Variants in TLE4 observed in about 807,000 individuals in gnomAD.
TLE4 encodes transducin-like enhancer protein 4.
A neutral mutation model predicts 92.8 loss-of-function variants in TLE4; 8 were observed. That is an observed-to-expected ratio of 0.09 (90% CI 0.05 to 0.16). The LOEUF is 0.16. Ranked by LOEUF, TLE4 falls within the 10% of genes least tolerant of loss-of-function variation. TLE4 has a pLI of 1.00. For missense variants in TLE4, 675 were observed against 997.6 expected (o/e 0.68, Z 4.36); for synonymous variants, 371 against 374.1 (o/e 0.99, Z 0.10).
intron 4 of TLE4, among the ~76,000 whole-genome samples, chr9:79,611,324 G>T (rs2048324753): frequency 6.6e-6 from 1 of 152,044 alleles, no homozygotes; most frequent in Non-Finnish European, 1.5e-5. Flanking sequence ...TTGGTGCTGG[G>T]TTTTTGTCCA....
intron 8 of TLE4, among the ~76,000 whole-genome samples, chr9:79,672,243 G>GT (rs1025710778): frequency 1.5e-4 from 23 of 151,994 alleles, no homozygotes; most frequent in African/African-American, 5.3e-4. Flanking sequence ...GTCCTGGAAA[G>GT]TAAGATACAC....
chr9:79,601,641 CTTAA>C (rs1326268801), intron 4 of TLE4: 8 of 368,820 alleles, frequency 2.2e-5, no homozygotes, highest in East Asian at 1.5e-4. Context: ...AGACAGCAAA[CTTAA>C]TTAATGTGTG....
At chr9:79,599,448 G>A (rs1032274226) in intron 4 of TLE4, among the ~76,000 whole-genome samples, 5 of 152,270 alleles carry the variant, frequency 3.3e-5, no homozygotes, top group African/African-American at 1.2e-4. Flanking sequence ...GTTTGTGAAA[G>A]GTCCACTAGT....
chr9:79,679,888 G>T (rs1429281398), intron 8 of TLE4, among the ~76,000 whole-genome samples: 3 of 152,130 alleles, frequency 2.0e-5, no homozygotes, highest in East Asian at 1.9e-4. Context: ...TTTCCCCATT[G>T]CTTGTTTTTC....
chr9:79,708,895 G>A, intron 13 of TLE4, 109 bp downstream of exon 13: 2 of 1,323,042 alleles, frequency 1.5e-6, no homozygotes, highest in Non-Finnish European at 2.0e-6. Context: ...GCAGTGGCAT[G>A]ATCTTGGCTC....
intron 8 of TLE4, among the ~76,000 whole-genome samples, chr9:79,682,671 T>G (rs1304761533): frequency 6.6e-6 from 1 of 152,174 alleles, no homozygotes; most frequent in Non-Finnish European, 1.5e-5. Flanking sequence ...TGAAACTCAG[T>G]TGCCTGATGA....
chr9:79,704,678 A>T, intron 8 of TLE4, 105 bp from the exon 9 acceptor site: 2 of 1,443,972 alleles, frequency 1.4e-6, no homozygotes, highest in Non-Finnish European at 1.9e-6. Context: ...CTTTGCAAGT[A>T]TATGCTAAAG....
intron 8 of TLE4, among the ~76,000 whole-genome samples, chr9:79,701,171 A>G (rs1189543631): frequency 6.6e-6 from 1 of 152,194 alleles, no homozygotes; most frequent in Non-Finnish European, 1.5e-5. Flanking sequence ...GCCAAGTCCA[A>G]TTTGATTCCA....
chr9:79,680,806 T>C (rs575681754), intron 8 of TLE4, among the ~76,000 whole-genome samples: 2 of 152,354 alleles, frequency 1.3e-5, no homozygotes, highest in African/African-American at 4.8e-5. Flanking sequence ...ATCCCATCAA[T>C]ACCTAATTTG....
At chr9:79,666,965 A>G (rs2061497979) in intron 8 of TLE4, among the ~76,000 whole-genome samples, 1 of 152,232 alleles carries the variant, frequency 6.6e-6, no homozygotes, top group Non-Finnish European at 1.5e-5. Flanking sequence ...GATAACCTGA[A>G]AGACCAGGTT....
intron 5 of TLE4, among the ~76,000 whole-genome samples, chr9:79,625,220 CG>C (rs1251875600): frequency 6.6e-6 from 1 of 151,102 alleles, no homozygotes; most frequent in Non-Finnish European, 1.5e-5. Flanking sequence ...GGGGTTTCGC[CG>C]TTTTAGCCGG....
chr9:79,597,533 A>T (rs2044330226), intron 4 of TLE4, among the ~76,000 whole-genome samples: 1 of 152,028 alleles, frequency 6.6e-6, no homozygotes, highest in Admixed American at 6.6e-5. Flanking sequence ...TTTGCCTTGA[A>T]TGTCTCATAG....
intron 6 of TLE4, among the ~76,000 whole-genome samples, chr9:79,651,943 A>C (rs1487740576): frequency 1.3e-5 from 2 of 152,102 alleles, no homozygotes; most frequent in Non-Finnish European, 2.9e-5. Context: ...GCGAGGCCTT[A>C]TTTTATTTTT....
intron 8 of TLE4, among the ~76,000 whole-genome samples, chr9:79,664,123 C>G (rs1303537937): frequency 6.6e-6 from 1 of 152,210 alleles, no homozygotes; most frequent in East Asian, 1.9e-4. Context: ...GAGGGGTAAT[C>G]TGGAGCAGTC....
chr9:79,626,838 T>C (rs2052743338), intron 5 of TLE4, among the ~76,000 whole-genome samples: 1 of 152,190 alleles, frequency 6.6e-6, no homozygotes, highest in Non-Finnish European at 1.5e-5. Context: ...TTAATCCCTA[T>C]CTCATGATAG....
intron 8 of TLE4, among the ~76,000 whole-genome samples, chr9:79,662,451 A>T (rs1159761354): frequency 6.6e-6 from 1 of 152,138 alleles, no homozygotes; most frequent in Admixed American, 6.5e-5. Context: ...AATTTTGAGA[A>T]TTCTATTCAC....
intron 8 of TLE4, among the ~76,000 whole-genome samples, chr9:79,690,828 G>T (rs1160532810): frequency 2.4e-5 from 3 of 126,024 alleles, no homozygotes; most frequent in Non-Finnish European, 3.2e-5. Flanking sequence ...TAGAGACAGG[G>T]TTTCGCCATG....
In TLE4 at chr9:79,572,110, T is replaced by C. The variant is rs1481385065; in HGVS notation, c.-681T>C. On this transcript the variant is annotated 5_prime_UTR_variant, in exon 1 of 20. Transcript: ENST00000376552. ...AATTAAAAAAAAAAGCCGCAAGCGT[T>C]TCACTCTTTTATTTTTATAATCCCC... 2.0e-5 allele frequency: 3 copies of C among 151,368 alleles called. No individual in the cohort carries two copies. The highest frequency in any genetic ancestry group is 2.9e-5 in the Non-Finnish European group (2 of 67,924). The allele number at this position is 151,368 out of a possible 1,614,324, so 9.4% of individuals were successfully genotyped here.
chr9:79,635,942 A>C (rs1286449792), intron 6 of TLE4, among the ~76,000 whole-genome samples: 1 of 152,142 alleles, frequency 6.6e-6, no homozygotes, highest in Non-Finnish European at 1.5e-5. Context: ...CTCTCATCAG[A>C]AATGGTGTCT....
Sources: allele counts gnomAD v4.1 joint callset (sites outside exome capture counted in the v4.1 genomes callset), GRCh38; gene constraint gnomAD v4.1.1; transcripts MANE v1.5; gene names NCBI Gene and HGNC (gene_info 2026-07-23, HGNC 2026-07-21).